AGBL4: variants seen among roughly 807,000 people sequenced by gnomAD.
The protein encoded by AGBL4 is cytosolic carboxypeptidase 6.
Under a neutral mutation model 66.4 loss-of-function variants are expected in AGBL4, and 58 were observed. The ratio of observed to expected loss-of-function variants is 0.87; its 90% CI spans 0.71 to 1.09. AGBL4 has a LOEUF of 1.09. Among genes scored for constraint, AGBL4 ranks in the 50% least tolerant of loss-of-function variants. The probability of loss-of-function intolerance (pLI) is 0.00; values close to 1 mark genes in which losing one functional copy is unlikely to be tolerated. For synonymous variants in AGBL4, 234 were observed against 222.9 expected (o/e 1.05, Z -0.44); for missense variants, 579 against 631.0 (o/e 0.92, Z 0.88).
intron 5 of AGBL4, among the ~76,000 whole-genome samples, 160 bp from the exon 6 acceptor site, chr1:48,867,390 C>T (rs1648210820): frequency 6.6e-6 from 1 of 152,118 alleles, no homozygotes; most frequent in South Asian, 2.1e-4. Flanking sequence ...AGGGTTTGTA[C>T]CCTAGAGACA....
intron 3 of AGBL4, among the ~76,000 whole-genome samples, chr1:49,521,567 T>A (rs1650267177): frequency 6.6e-6 from 1 of 151,948 alleles, no homozygotes; most frequent in Admixed American, 6.6e-5. Flanking sequence ...CCTTATTCAA[T>A]AAACAGTGCT....
chr1:49,535,850 C>T (rs1651534098), intron 3 of AGBL4, among the ~76,000 whole-genome samples: 1 of 152,118 alleles, frequency 6.6e-6, no homozygotes, highest in South Asian at 2.1e-4. Context: ...TGCCACCACA[C>T]CCGGCTAATT....
chr1:49,023,037 T>C (rs536225374), intron 5 of AGBL4, among the ~76,000 whole-genome samples: 8 of 152,322 alleles, frequency 5.3e-5, no homozygotes, highest in Admixed American at 3.3e-4. Flanking sequence ...TTAAGCCATA[T>C]TGAAAGCATA....
At chr1:49,751,331 T>C (rs1324807805) in intron 2 of AGBL4, among the ~76,000 whole-genome samples, 2 of 152,172 alleles carry the variant, frequency 1.3e-5, no homozygotes, top group Non-Finnish European at 2.9e-5. Flanking sequence ...TCTGCATCTA[T>C]TGATATAATT....
chr1:49,772,383 A>G (rs1644087121), intron 2 of AGBL4, among the ~76,000 whole-genome samples: 2 of 152,122 alleles, frequency 1.3e-5, no homozygotes, highest in African/African-American at 4.8e-5. Context: ...TTAAACCTTC[A>G]TTAGAGGTTT....
intron 4 of AGBL4, among the ~76,000 whole-genome samples, chr1:49,211,891 A>C (rs1648695673): frequency 6.6e-6 from 1 of 152,118 alleles, no homozygotes; most frequent in Non-Finnish European, 1.5e-5. Flanking sequence ...AATCATCATC[A>C]CCACCCTGGC....
intron 5 of AGBL4, among the ~76,000 whole-genome samples, chr1:48,933,592 A>G (rs1008230084): frequency 2.6e-5 from 4 of 152,210 alleles, no homozygotes; most frequent in African/African-American, 9.6e-5. Context: ...AACTAGCTCT[A>G]TATCCTAATA....
intron 4 of AGBL4, among the ~76,000 whole-genome samples, chr1:49,194,774 G>T (rs1238317269): frequency 6.6e-6 from 1 of 151,888 alleles, no homozygotes; most frequent in Non-Finnish European, 1.5e-5. Flanking sequence ...CAAAGTCTTG[G>T]CAGGCTGTGT....
chr1:49,737,564 A>C (rs1400611088), intron 2 of AGBL4, among the ~76,000 whole-genome samples: 1 of 152,160 alleles, frequency 6.6e-6, no homozygotes, highest in East Asian at 1.9e-4. Flanking sequence ...GAGCTGAAAA[A>C]CTAAGAACCA....
intron 2 of AGBL4, among the ~76,000 whole-genome samples, chr1:49,835,169 G>A (rs916905036): frequency 6.6e-6 from 1 of 152,088 alleles, no homozygotes; most frequent in Non-Finnish European, 1.5e-5. Flanking sequence ...TTGACAGTGA[G>A]GTGTTGAAGG....
At chr1:49,929,884 A>T (rs1044294335) in intron 1 of AGBL4, among the ~76,000 whole-genome samples, 2 of 152,150 alleles carry the variant, frequency 1.3e-5, no homozygotes, top group Non-Finnish European at 2.9e-5. Context: ...TCTCAGTTCC[A>T]TATGCTATAC....
chr1:48,820,048 A>G (rs139601213), intron 6 of AGBL4, among the ~76,000 whole-genome samples: 13 of 152,264 alleles, frequency 8.5e-5, no homozygotes, highest in Non-Finnish European at 1.5e-4. Flanking sequence ...AACCTTCCTA[A>G]CTTCCATTCT....
At chr1:49,878,063 AGTCTT>A in intron 1 of AGBL4, among the ~76,000 whole-genome samples, 1 of 151,272 alleles carries the variant, frequency 6.6e-6, no homozygotes, top group Non-Finnish European at 1.5e-5. Context: ...CTTCTTTATT[AGTCTT>A]GCTAGCGGTC....
intron 1 of AGBL4, among the ~76,000 whole-genome samples, chr1:49,867,098 C>T (rs927946678): frequency 9.9e-5 from 15 of 152,020 alleles, no homozygotes; most frequent in Non-Finnish European, 1.6e-4. Flanking sequence ...CCGGGAGGTG[C>T]GGCCAGGTCT....
intron 2 of AGBL4, among the ~76,000 whole-genome samples, chr1:49,739,857 G>C (rs1430855980): frequency 6.6e-6 from 1 of 152,100 alleles, no homozygotes; most frequent in Non-Finnish European, 1.5e-5. Context: ...AATGCTGAGA[G>C]ATTTTGTCAC....
intron 1 of AGBL4, chr1:49,994,355 A>T (rs1232433571): frequency 2.0e-5 from 3 of 151,924 alleles, no homozygotes; most frequent in South Asian, 4.1e-4. Context: ...GCTTTCTTCA[A>T]ACAAAAAAAA....
At chr1:49,101,187 T>TC (rs1645194431) in intron 4 of AGBL4, among the ~76,000 whole-genome samples, 1 of 151,856 alleles carries the variant, frequency 6.6e-6, no homozygotes, top group Non-Finnish European at 1.5e-5. Flanking sequence ...AACTTTTTAT[T>TC]CTTTTTTTTT....
chr1:49,234,800 G>T (rs1650591125), intron 4 of AGBL4, among the ~76,000 whole-genome samples: 1 of 152,066 alleles, frequency 6.6e-6, no homozygotes. Context: ...AACTAGAAAG[G>T]TTGATCACCC....
chr1:48,957,848 A>T (rs926038916), intron 5 of AGBL4, among the ~76,000 whole-genome samples: 3 of 152,204 alleles, frequency 2.0e-5, no homozygotes, highest in Non-Finnish European at 4.4e-5. Flanking sequence ...CAATCAATTC[A>T]TCACAGCCAG....
Sources: allele counts gnomAD v4.1 joint callset (sites outside exome capture counted in the v4.1 genomes callset), GRCh38; gene constraint gnomAD v4.1.1; transcripts MANE v1.5; gene names NCBI Gene and HGNC (gene_info 2026-07-23, HGNC 2026-07-21).